The following GNAL variants were observed in gnomAD, a reference collection of about 807,000 sequenced individuals.
GNAL encodes the protein guanine nucleotide-binding protein G(olf) subunit alpha.
A neutral mutation model predicts 55.1 loss-of-function variants in GNAL; 18 were observed. The observed-to-expected ratio is 0.33, with a 90% confidence interval of 0.23 to 0.48. The LOEUF is 0.48. GNAL is among the 20% of genes least tolerant of loss of function. The pLI, the probability that GNAL is intolerant of heterozygous loss-of-function variation, is 0.99. For synonymous variants in GNAL, 253 were observed against 237.0 expected, an observed-to-expected ratio of 1.07 and a Z score of -0.62; for missense variants, 412 against 614.1, an observed-to-expected ratio of 0.67 and a Z score of 3.48.
rs554460089 is a variant in GNAL, at chr18:11,884,162, G to A, written c.*3027G>A. The A allele has an allele frequency of 1.3e-5, 4 of 305,472 alleles. No individual in the cohort carries two copies. Among genetic ancestry groups the A allele is most frequent in the African/African-American group, 8.5e-5 (4 of 47,162 alleles). 18.9% of individuals were successfully genotyped at this position (305,472 alleles called of 1,614,324 possible). ...AAGGACTGTCGTGCATGTGAGTGAC[G>A]ACATTAATAGCATTTACATACTGTA... On this transcript the variant is annotated 3_prime_UTR_variant, in exon 12 of 12. Coordinates refer to ENST00000334049, the MANE Select transcript of GNAL (RefSeq NM_182978.4).
At chr18:11,847,175 A>C (rs2035758536) in intron 5 of GNAL, among the ~76,000 whole-genome samples, 1 of 152,070 alleles carries the variant, frequency 6.6e-6, no homozygotes, top group African/African-American at 2.4e-5. Context: ...CAGAGGTTGA[A>C]TAGTACCAGG....
chr18:11,689,922 A>G lies in GNAL; in HGVS notation c.359A>G (p.His120Arg). The part of the protein sequence containing the change: ...RDQKRDLQQT[H>R]RLLLLGAGES... ...CAGAAGCGCGACCTGCAGCAGACGC[A>G]CCGGCTCCTGCTGCTCGGTAGGTCC... The change falls in exon 1 of 12, where the codon CAC becomes CGC. Residue 120 changes from histidine (H) to arginine (R), a missense_variant. By Grantham distance (29) the His-to-Arg change is conservative (BLOSUM62 0). Coordinates refer to ENST00000334049, the MANE Select transcript of GNAL (RefSeq NM_182978.4). 1 of 1,422,646 alleles carries G rather than the reference A, an allele frequency of 7.0e-7. No homozygotes were observed. Among genetic ancestry groups the G allele is most frequent in the Non-Finnish European group, 9.2e-7 (1 of 1,085,212 alleles). 88.1% of individuals were successfully genotyped at this position (1,422,646 alleles called of 1,614,324 possible).
At chr18:11,787,307 T>C (rs2034087810) in intron 4 of GNAL, among the ~76,000 whole-genome samples, 1 of 152,186 alleles carries the variant, frequency 6.6e-6, no homozygotes. Context: ...TTACATCTCC[T>C]TAGGATGTAT....
At chr18:11,737,232 T>A (rs77292326) in intron 1 of GNAL, among the ~76,000 whole-genome samples, 9,732 of 152,290 alleles carry the variant, frequency 0.064, 635 homozygotes, top group East Asian at 0.35. Flanking sequence ...TAAATATTCA[T>A]CTGAGGACTA....
intron 1 of GNAL, among the ~76,000 whole-genome samples, chr18:11,697,623 G>A (rs1453320628): frequency 6.6e-6 from 1 of 152,148 alleles, no homozygotes; most frequent in East Asian, 1.9e-4. Context: ...ACAATGACAG[G>A]AAGGGGCAGA....
intron 1 of GNAL, among the ~76,000 whole-genome samples, chr18:11,715,054 A>C (rs2143378238): frequency 6.6e-6 from 1 of 152,084 alleles, no homozygotes; most frequent in South Asian, 2.1e-4. Context: ...CTGAGGTGGG[A>C]GGATTGCTTG....
At chr18:11,741,854 T>A (rs550544245) in intron 1 of GNAL, among the ~76,000 whole-genome samples, 1 of 152,372 alleles carries the variant, frequency 6.6e-6, no homozygotes, top group South Asian at 2.1e-4. Context: ...TGTTCTTTTT[T>A]ATTTTGGTAA....
chr18:11,870,357 C>T (rs1472828855), intron 9 of GNAL, among the ~76,000 whole-genome samples: 1 of 152,038 alleles, frequency 6.6e-6, no homozygotes, highest in African/African-American at 2.4e-5. Context: ...CCCGTCTCTA[C>T]TAAAACTACA....
At chr18:11,815,478 C>T (rs1334244822) in intron 4 of GNAL, among the ~76,000 whole-genome samples, 1 of 152,112 alleles carries the variant, frequency 6.6e-6, no homozygotes, top group Non-Finnish European at 1.5e-5. Context: ...CTGGCCACAG[C>T]AGGAGAAAGA....
Position 11,857,604 on chromosome 18 carries a change from C to T in GNAL, c.723-4791C>T, listed in dbSNP as rs929782311. 4.1e-6 allele frequency: 4 copies of T among 985,346 alleles called. No individual in the cohort carries two copies. The African/African-American group carries it at 5.2e-5, about 13-fold the overall frequency. The allele number at this position is 985,346 out of a possible 1,614,324, so 61.0% of individuals were successfully genotyped here. On this transcript the variant is annotated intron_variant, in intron 5 of 11. Coordinates refer to ENST00000334049, the MANE Select transcript of GNAL (RefSeq NM_182978.4). Reference sequence around the variant, plus strand: ...GGGAGGTGGGGAAAGCCAAGAGGAACACGCTCTTGGATGACGAGTCACCAT... The same window carrying T: ...GGGAGGTGGGGAAAGCCAAGAGGAATACGCTCTTGGATGACGAGTCACCAT...
At chr18:11,861,159 G>T (rs11875744) in intron 5 of GNAL, among the ~76,000 whole-genome samples, 56,488 of 151,928 alleles carry the variant, frequency 0.37, 11,363 homozygotes, top group Non-Finnish European at 0.45. Flanking sequence ...GGGAGCCAGC[G>T]CAGCCTCCAG....
chr18:11,727,600 G>A (rs1023348907), intron 1 of GNAL, among the ~76,000 whole-genome samples: 1 of 152,220 alleles, frequency 6.6e-6, no homozygotes, highest in African/African-American at 2.4e-5. Context: ...GGATGTGGAG[G>A]CATTTATTGA....
chr18:11,769,038 AAT>A (rs1399647814), intron 4 of GNAL, among the ~76,000 whole-genome samples: 1 of 89,524 alleles, frequency 1.1e-5, no homozygotes, highest in African/African-American at 5.1e-5. Context: ...TATTATATAT[AAT>A]ATATAATATA....
intron 5 of GNAL, chr18:11,851,789 C>G (rs952579364): frequency 6.2e-7 from 1 of 1,613,966 alleles, no homozygotes; most frequent in Non-Finnish European, 8.5e-7. Context: ...AAGTCGATGG[C>G]TGGTGTGGTT....
intron 4 of GNAL, among the ~76,000 whole-genome samples, chr18:11,758,576 A>G (rs576309893): frequency 4.6e-5 from 7 of 152,366 alleles, no homozygotes; most frequent in Non-Finnish European, 1.0e-4. Context: ...GCATATGTTA[A>G]ATTTTAATTT....
At chr18:11,790,726 G>A (rs1206870553) in intron 4 of GNAL, among the ~76,000 whole-genome samples, 3 of 131,648 alleles carry the variant, frequency 2.3e-5, no homozygotes, top group African/African-American at 5.7e-5. Flanking sequence ...GCACGATCTC[G>A]TCTCACTGCA....
At chr18:11,846,474 C>T (rs910694711) in intron 5 of GNAL, among the ~76,000 whole-genome samples, 5 of 148,520 alleles carry the variant, frequency 3.4e-5, no homozygotes, top group Non-Finnish European at 7.4e-5. Context: ...TACACACACA[C>T]ACACACACAC....
At chr18:11,733,951 T>A (rs80223991) in intron 1 of GNAL, among the ~76,000 whole-genome samples, 1,925 of 151,316 alleles carry the variant, frequency 0.013, 51 homozygotes, top group African/African-American at 0.044. Context: ...AGGTCCTGTG[T>A]CCGTTCTGTA....
At chr18:11,746,982 A>G in intron 1 of GNAL, 1 of 518,532 alleles carries the variant, frequency 1.9e-6, no homozygotes, top group Non-Finnish European at 3.9e-6. Context: ...TAGATTTGGA[A>G]GAACACAGAT....
Sources: allele counts gnomAD v4.1 joint callset (sites outside exome capture counted in the v4.1 genomes callset), GRCh38; gene constraint gnomAD v4.1.1; transcripts MANE v1.5; gene names NCBI Gene and HGNC (gene_info 2026-07-23, HGNC 2026-07-21).